The following LDLRAP1 variants were observed in gnomAD, a reference collection of about 807,000 sequenced individuals.
LDLRAP1 encodes the protein low density lipoprotein receptor adapter protein 1.
LDLRAP1 carries 30 observed loss-of-function variants against 37.8 expected under a neutral mutation model. The observed-to-expected ratio is 0.79, with a 90% CI of 0.59 to 1.08. The LOEUF is 1.08. LDLRAP1 is among the 50% of genes least tolerant of loss of function. The pLI, the probability that LDLRAP1 is intolerant of heterozygous loss-of-function variation, is 0.00. For missense variants in LDLRAP1, 375 were observed against 401.6 expected (o/e 0.93, Z 0.57); for synonymous variants, 156 against 169.8 (o/e 0.92, Z 0.63).
At chr1:25,574,521 A>T in the LDLRAP1 span, among the ~76,000 whole-genome samples, 1 of 152,208 alleles carries the variant, frequency 6.6e-6, no homozygotes, top group Non-Finnish European at 1.5e-5. Flanking sequence ...GGATGTGTGC[A>T]TGGCCAGCTG....
intron 1 of LDLRAP1, chr1:25,553,645 A>G: frequency 2.3e-6 from 1 of 440,942 alleles, no homozygotes; most frequent in South Asian, 2.2e-5. Context: ...TGGGGTCAGG[A>G]GTTCGAGACC....
intron 1 of LDLRAP1, among the ~76,000 whole-genome samples, chr1:25,547,641 C>T (rs572211007): frequency 7.9e-4 from 120 of 152,162 alleles, no homozygotes; most frequent in African/African-American, 2.8e-3. Context: ...CCCGGAAGCC[C>T]GGTGGAGAGG....
At chr1:25,564,205 C>A in intron 7 of LDLRAP1, 1 of 284,902 alleles carries the variant, frequency 3.5e-6, no homozygotes, top group Admixed American at 4.8e-5. Context: ...CAGGGCAAGC[C>A]CCCTGACCTC....
At chr1:25,572,992 G>A (rs976768724), downstream of LDLRAP1, among the ~76,000 whole-genome samples, 1 of 152,076 alleles carries the variant, frequency 6.6e-6, no homozygotes, top group Non-Finnish European at 1.5e-5. Flanking sequence ...AATCCCAGAC[G>A]GCCGATTTTT....
Position 25,553,028 on chromosome 1 carries a change from TCTC to T in LDLRAP1, c.89-890_89-888del, listed in dbSNP as rs140294816. 2.7e-3 allele frequency among the ~76,000 whole-genome samples: 414 copies of T among 152,172 alleles called. 2 individuals are homozygous for T. Among genetic ancestry groups the T allele is most frequent in the African/African-American group, 9.5e-3 (395 of 41,520 alleles). ...CCTTCTCCGATTTGGGAAATCGCCT[TCTC>T]CTCTCCCCACCCACCCTTACCCTTC... On this transcript the variant is annotated intron_variant, in intron 1 of 8. Coordinates refer to ENST00000374338, the MANE Select transcript of LDLRAP1 (RefSeq NM_015627.3).
chr1:25,562,794 G>C, intron 5 of LDLRAP1, 78 bp downstream of exon 5: 3 of 1,291,592 alleles, frequency 2.3e-6, no homozygotes, highest in Non-Finnish European at 3.4e-6. Context: ...GACCTGGACC[G>C]ACTTCCTGCC....
rs930380967 is a variant in LDLRAP1 at position 25,544,839 on chromosome 1, C to T, written c.88+1053C>T. 3.9e-5 allele frequency among the ~76,000 whole-genome samples: 6 copies of T among 152,228 alleles called. No homozygotes were observed. Among genetic ancestry groups the T allele is most frequent in the Non-Finnish European group, 7.3e-5 (5 of 68,048 alleles). On this transcript the variant is annotated intron_variant, in intron 1 of 8. Coordinates refer to ENST00000374338, the MANE Select transcript of LDLRAP1 (RefSeq NM_015627.3). This position sits in a 1 kb window ranked among gnomAD's most constrained non-coding sequence, Gnocchi z 4.8. Reference sequence around the variant, plus strand: ...TCTCCCCTCATCAGGAAACAACTGACAGTACAGCACCCCCTCATCCCATCC... The same window carrying T: ...TCTCCCCTCATCAGGAAACAACTGATAGTACAGCACCCCCTCATCCCATCC...
Position 25,565,074 on chromosome 1 carries a change from CCT to C in LDLRAP1, c.748-98_748-97del, listed in dbSNP as rs371382604. On this transcript the variant is annotated intron_variant, in intron 7 of 8. Transcript: ENST00000374338. ...CCAGGCGCCCACCCTGAGCTTGTGT[CCT>C]GAGTCCCTGTAGCTTACCCAGGGCT... 8.6e-3 allele frequency: 11,561 copies of C among 1,350,932 alleles called. 70 individuals are homozygous for C. The highest frequency in any genetic ancestry group is 0.011 in the Non-Finnish European group (9,902 of 942,210). The allele number at this position is 1,350,932 out of a possible 1,614,324, so 83.7% of individuals were successfully genotyped here.
At chr1:25,585,204 G>A in the LDLRAP1 span, among the ~76,000 whole-genome samples, 1 of 152,232 alleles carries the variant, frequency 6.6e-6, no homozygotes, top group Admixed American at 6.5e-5. Context: ...TCGCAAAAGA[G>A]GAAGTAGCTC....
chr1:25,562,051 G>A (rs546886761), intron 4 of LDLRAP1, among the ~76,000 whole-genome samples: 1 of 152,266 alleles, frequency 6.6e-6, no homozygotes, highest in African/African-American at 2.4e-5. Flanking sequence ...GCACTGACCG[G>A]TTTTGGTCCC....
the LDLRAP1 span, among the ~76,000 whole-genome samples, chr1:25,576,148 C>T: frequency 2.6e-5 from 4 of 152,078 alleles, no homozygotes; most frequent in East Asian, 1.9e-4. Context: ...AGGAAGATCA[C>T]TTGAATTCGG....
chr1:25,584,657 A>G, the LDLRAP1 span, among the ~76,000 whole-genome samples: 15 of 152,102 alleles, frequency 9.9e-5, no homozygotes, highest in Non-Finnish European at 1.9e-4. Context: ...CAGCTTCCAT[A>G]TGAAGCTGAA....
rs2044553656 is a variant in LDLRAP1 at position 25,568,783 on chromosome 1, T to A, written c.*1791T>A. ...GTCTCCATCTCTGGTTGACGGGCTG[T>A]CCGTGTGCCTCCTGTGTGTCTGCAG... On this transcript the variant is annotated 3_prime_UTR_variant, in exon 9 of 9. Transcript: ENST00000374338. 6.6e-6 allele frequency: 1 copy of A among 152,262 alleles called. No homozygotes were observed. Among genetic ancestry groups the A allele is most frequent in the African/African-American group, 2.4e-5 (1 of 41,474 alleles). The allele number at this position is 152,262 out of a possible 1,614,324, so 9.4% of individuals were successfully genotyped here.
In LDLRAP1 at chr1:25,555,980, G is replaced by A. The variant is rs1232915169; in HGVS notation, c.344+1008G>A. Among the ~76,000 whole-genome samples, 1 of 152,032 alleles carries A rather than the reference G, an allele frequency of 6.6e-6. No homozygotes were observed. Among genetic ancestry groups the A allele is most frequent in the Non-Finnish European group, 1.5e-5 (1 of 67,996 alleles). ...TCCCGGAAGGCCTCCCAGGGGAGGC[G>A]GCACCTTGCTGGGGCTTGAAGAATA... On this transcript the variant is annotated intron_variant, in intron 3 of 8. Coordinates refer to ENST00000374338, the MANE Select transcript of LDLRAP1 (RefSeq NM_015627.3). This position sits in a 1 kb window ranked among gnomAD's most constrained non-coding sequence, Gnocchi z 4.7.
chr1:25,544,464 G>T lies in LDLRAP1; in HGVS notation c.88+678G>T, dbSNP rs751175424. ...GTCCAGGTGGCAAGCCTGGCGTCCCGACTATTTTTGAAACCTGTTTTCTCT... is the reference window on the plus strand; with the variant it reads ...GTCCAGGTGGCAAGCCTGGCGTCCCTACTATTTTTGAAACCTGTTTTCTCT... On this transcript the variant is annotated intron_variant, in intron 1 of 8. Transcript: ENST00000374338. This position sits in a 1 kb window ranked among gnomAD's most constrained non-coding sequence, Gnocchi z 4.8. 1.3e-5 allele frequency among the ~76,000 whole-genome samples: 2 copies of T among 152,214 alleles called. No individual in the cohort carries two copies. Among genetic ancestry groups the T allele is most frequent in the African/African-American group, 4.8e-5 (2 of 41,454 alleles).
In LDLRAP1 at chr1:25,546,415, T is replaced by A. The variant is rs1271579273; in HGVS notation, c.88+2629T>A. Among the ~76,000 whole-genome samples the A allele has an allele frequency of 2.0e-5, 3 of 152,220 alleles. No homozygotes were observed. In the East Asian group the frequency reaches 5.8e-4, roughly 29 times the overall value. On this transcript the variant is annotated intron_variant, in intron 1 of 8. Transcript: ENST00000374338. ...ACACAGCAAAGCCAGCACCCCAGGC[T>A]TCTTTCCACCCAGCTTCATGCCTGC...
chr1:25,570,996 G>A (rs907760444), downstream of LDLRAP1, among the ~76,000 whole-genome samples: 3 of 152,204 alleles, frequency 2.0e-5, no homozygotes, highest in African/African-American at 7.2e-5. Context: ...GCAGCTGAGG[G>A]TGAAGGAGGA....
At chr1:25,558,053 G>T (rs1372521992) in intron 4 of LDLRAP1, among the ~76,000 whole-genome samples, 1 of 152,128 alleles carries the variant, frequency 6.6e-6, no homozygotes, top group Non-Finnish European at 1.5e-5. Flanking sequence ...CCACATCTTA[G>T]CTGGGATGAG....
Position 25,568,760 on chromosome 1 carries a change from C to T in LDLRAP1, c.*1768C>T, listed in dbSNP as rs2044553125. On this transcript the variant is annotated 3_prime_UTR_variant, in exon 9 of 9. Coordinates refer to ENST00000374338, the MANE Select transcript of LDLRAP1 (RefSeq NM_015627.3). ...CTGTGAGAGCCACGCTGGCCTTCGT[C>T]TCCATCTCTGGTTGACGGGCTGTCC... 1 of 152,272 alleles carries T rather than the reference C, an allele frequency of 6.6e-6. No individual in the cohort carries two copies. Among genetic ancestry groups the T allele is most frequent in the South Asian group, 2.1e-4 (1 of 4,832 alleles). The allele number at this position is 152,272 out of a possible 1,614,324, so 9.4% of individuals were successfully genotyped here.
Sources: allele counts gnomAD v4.1 joint callset (sites outside exome capture counted in the v4.1 genomes callset), GRCh38; gene constraint gnomAD v4.1.1; non-coding constraint Gnocchi (gnomAD v3.1); transcripts MANE v1.5; gene names NCBI Gene and HGNC (gene_info 2026-07-23, HGNC 2026-07-21).